The following CNOT6L variants were observed in gnomAD, a reference collection of about 807,000 sequenced individuals.
CNOT6L encodes the protein CCR4-NOT transcription complex subunit 6-like.
In CNOT6L, 7 loss-of-function variants were observed where a neutral mutation model predicts 64.0. The ratio of observed to expected loss-of-function variants is 0.11; its 90% confidence interval spans 0.06 to 0.21. The LOEUF is 0.21. CNOT6L is among the 10% of genes least tolerant of loss of function. The pLI, the probability that CNOT6L is intolerant of heterozygous loss-of-function variation, is 1.00. For missense variants in CNOT6L, 245 were observed against 669.0 expected, an observed-to-expected ratio of 0.37 and a Z score of 6.99; for synonymous variants, 193 against 243.4, an observed-to-expected ratio of 0.79 and a Z score of 1.93.
rs1418352019 is a variant in CNOT6L at position 77,812,380 on chromosome 4, G to A, written c.5+6924C>T. ...TTGAACCCAGGAGGCAGAGGTTGTA[G>A]TGAGCCAAGACAGTGCCATTGCACT... On this transcript the variant is annotated intron_variant, in intron 1 of 11. Coordinates refer to ENST00000504123, the MANE Select transcript of CNOT6L (RefSeq NM_144571.3). 2.6e-5 allele frequency among the ~76,000 whole-genome samples: 4 copies of A among 151,364 alleles called. No individual in the cohort carries two copies. In the South Asian group the frequency reaches 8.4e-4, roughly 32 times the overall value.
chr4:77,795,409 C>T (rs867494540), intron 1 of CNOT6L, among the ~76,000 whole-genome samples: 17 of 152,152 alleles, frequency 1.1e-4, no homozygotes, highest in African/African-American at 3.9e-4. Flanking sequence ...CATGGTTTAG[C>T]TCTGTGTCCA....
chr4:77,802,661 G>T (rs572236746), intron 1 of CNOT6L, among the ~76,000 whole-genome samples: 11 of 152,266 alleles, frequency 7.2e-5, no homozygotes, highest in African/African-American at 2.6e-4. Context: ...CCAGTATGTG[G>T]CCAGATGGTA....
chr4:77,724,782 C>T (rs1267695124), intron 11 of CNOT6L, among the ~76,000 whole-genome samples: 6 of 152,072 alleles, frequency 3.9e-5, no homozygotes, highest in Non-Finnish European at 5.9e-5. Flanking sequence ...CTGGGTTACG[C>T]TGGCAGATAT....
At chr4:77,768,474 A>AATAAATATAT (rs1215170210) in intron 4 of CNOT6L, among the ~76,000 whole-genome samples, 91 of 12,924 alleles carry the variant, frequency 7.0e-3, no homozygotes, top group Non-Finnish European at 0.018. Flanking sequence ...AAAATAAATA[A>AATAAATATAT]ATATATATAT....
chr4:77,793,406 AC>A (rs757841908), intron 1 of CNOT6L, among the ~76,000 whole-genome samples: 1 of 152,156 alleles, frequency 6.6e-6, no homozygotes, highest in African/African-American at 2.4e-5. Flanking sequence ...GTCAGTAATC[AC>A]AACTTTTAAG....
At chr4:77,810,387 T>C (rs916608486) in intron 1 of CNOT6L, among the ~76,000 whole-genome samples, 4 of 152,256 alleles carry the variant, frequency 2.6e-5, no homozygotes, top group East Asian at 1.9e-4. Flanking sequence ...AACAAAGCCA[T>C]TGATGCTGAA....
At chr4:77,817,278 TTTTA>T (rs544317516) in intron 1 of CNOT6L, among the ~76,000 whole-genome samples, 190 of 152,280 alleles carry the variant, frequency 1.2e-3, no homozygotes, top group African/African-American at 4.4e-3. Flanking sequence ...TAATGACTAT[TTTTA>T]TTATTAGAAA....
intron 8 of CNOT6L, among the ~76,000 whole-genome samples, chr4:77,739,657 G>T (rs1259720197): frequency 6.6e-6 from 1 of 152,172 alleles, no homozygotes; most frequent in Non-Finnish European, 1.5e-5. Context: ...TTCCAGGAAA[G>T]AAGTTGAAAA....
chr4:77,756,584 G>A (rs181117275), intron 5 of CNOT6L, among the ~76,000 whole-genome samples: 1 of 152,276 alleles, frequency 6.6e-6, no homozygotes, highest in African/African-American at 2.4e-5. Context: ...TTTAGTCTCT[G>A]AATCTCAGAA....
At chr4:77,770,494 C>A (rs1049113394) in intron 4 of CNOT6L, among the ~76,000 whole-genome samples, 6 of 152,164 alleles carry the variant, frequency 3.9e-5, no homozygotes, top group African/African-American at 1.4e-4. Context: ...CCTGCTATTA[C>A]CATCTTAAAC....
chr4:77,733,634 A>T (rs543129759), intron 8 of CNOT6L, among the ~76,000 whole-genome samples: 1 of 152,138 alleles, frequency 6.6e-6, no homozygotes, highest in East Asian at 1.9e-4. Context: ...AACTGGAATA[A>T]TTTTACTTCT....
chr4:77,779,956 C>T (rs1005688423), intron 1 of CNOT6L, among the ~76,000 whole-genome samples: 5 of 151,996 alleles, frequency 3.3e-5, no homozygotes, highest in Non-Finnish European at 7.4e-5. Flanking sequence ...AGAGTGAGAC[C>T]CTGTCTCAAT....
intron 8 of CNOT6L, among the ~76,000 whole-genome samples, chr4:77,740,188 C>G (rs942746344): frequency 5.9e-5 from 9 of 151,928 alleles, no homozygotes; most frequent in African/African-American, 1.9e-4. Context: ...TAGGGCAACA[C>G]AGCAAGACCC....
chr4:77,800,731 A>G (rs1011922157), intron 1 of CNOT6L, among the ~76,000 whole-genome samples: 2 of 152,206 alleles, frequency 1.3e-5, no homozygotes, highest in South Asian at 2.1e-4. Flanking sequence ...TCTGAAATCT[A>G]CAAGTCTCCA....
intron 3 of CNOT6L, 74 bp downstream of exon 3, chr4:77,774,456 A>C: frequency 8.4e-7 from 1 of 1,195,366 alleles, no homozygotes; most frequent in Non-Finnish European, 1.2e-6. Context: ...ATCCTACTGT[A>C]ATAAAGTAAC....
Position 77,731,369 on chromosome 4 carries a change from A to AT in CNOT6L, c.1024+17dup, listed in dbSNP as rs1179608006. 1 of 1,604,020 alleles carries AT rather than the reference A, an allele frequency of 6.2e-7. No homozygotes were observed. The highest frequency in any genetic ancestry group is 8.5e-7 in the Non-Finnish European group (1 of 1,176,562). The stretch of plus-strand genomic sequence containing the variant: ...GATGGTGTTTATTTTTAGTAAGAAT[A>AT]TTTTACATTGCACTCACCTGCTCCA... On this transcript the variant is annotated intron_variant, in intron 9 of 11. Transcript: ENST00000504123.
chr4:77,728,369 G>C (rs1329360331), intron 10 of CNOT6L, among the ~76,000 whole-genome samples: 4 of 152,312 alleles, frequency 2.6e-5, no homozygotes, highest in African/African-American at 9.6e-5. Flanking sequence ...CCCCGCTCTA[G>C]CTTTTGGTTG....
rs757811671 is a variant in CNOT6L, at chr4:77,728,937, G to A, written c.1169C>T (p.Ser390Phe). 4.3e-6 allele frequency: 7 copies of A among 1,613,866 alleles called. No individual in the cohort carries two copies. The highest frequency in any genetic ancestry group is 1.1e-5 in the South Asian group (1 of 91,076). The change falls in exon 10 of 12, where the codon TCT becomes TTT. Residue 390 changes from serine to phenylalanine, a missense_variant. This residue lies in a region of CNOT6L where 17 missense variants were observed against 23.6 expected (regional missense o/e 0.72). Transcript: ENST00000504123. ...TGCAGTTGGGCTTCCAGGCCTACTA[G>A]AGGCTTTCTCCAGAATGTTTTTAAC... ...SEVKNILEKA[S>F]SRPGSPTADP...
intron 4 of CNOT6L, among the ~76,000 whole-genome samples, chr4:77,767,082 A>G (rs1288745594): frequency 7.0e-6 from 1 of 143,402 alleles, no homozygotes; most frequent in Non-Finnish European, 1.5e-5. Context: ...AAAAAAAAAA[A>G]AAAAGGGAAA....
Sources: allele counts gnomAD v4.1 joint callset (sites outside exome capture counted in the v4.1 genomes callset), GRCh38; gene constraint gnomAD v4.1.1; regional missense constraint gnomAD v4.1.1; transcripts MANE v1.5; gene names NCBI Gene and HGNC (gene_info 2026-07-23, HGNC 2026-07-21).